SLC24A2: variants seen among roughly 807,000 people sequenced by gnomAD.
The protein encoded by SLC24A2 is sodium/potassium/calcium exchanger 2.
SLC24A2 carries 36 observed loss-of-function variants against 62.0 expected under a neutral mutation model. The ratio of observed to expected loss-of-function variants is 0.58; its 90% CI spans 0.44 to 0.77. The LOEUF (loss-of-function observed/expected upper bound fraction) is 0.77, where lower values mean the gene tolerates loss of function less well. SLC24A2 is among the 30% of genes least tolerant of loss of function. The pLI is 0.00. For synonymous variants in SLC24A2, 358 were observed against 294.0 expected (o/e 1.22, Z -2.23); for missense variants, 846 against 817.9 (o/e 1.03, Z -0.42).
At chr9:20,285,900 G>C in the SLC24A2 span, among the ~76,000 whole-genome samples, 1 of 152,166 alleles carries the variant, frequency 6.6e-6, no homozygotes, top group Non-Finnish European at 1.5e-5. Flanking sequence ...AAGCCAAGGA[G>C]AGAGGCTCAG....
At chr9:20,104,698 A>C in the SLC24A2 span, among the ~76,000 whole-genome samples, 4 of 152,234 alleles carry the variant, frequency 2.6e-5, no homozygotes, top group Non-Finnish European at 5.9e-5. Flanking sequence ...TCCTGAAGGA[A>C]GCACTAAACA....
Position 19,619,690 on chromosome 9 carries a change from A to G in SLC24A2, c.972T>C (p.Ala324=). ...ARDKDEPTLP[A]KPRLQRGGSS... ...TTCCACCTCGCTGGAGACGCGGCTT[A>G]GCCTGAGCAGAGAAACCAAAGAGAT... Residue 324 remains alanine (A), a splice_region_variant and synonymous_variant, in exon 4 of 11, where the codon GCT becomes GCC. Coordinates refer to ENST00000341998, the MANE Select transcript of SLC24A2 (RefSeq NM_020344.4). 6.2e-7 allele frequency: 1 copy of G among 1,612,482 alleles called. No homozygotes were observed. Among genetic ancestry groups the G allele is most frequent in the Non-Finnish European group, 8.5e-7 (1 of 1,178,546 alleles).
At chr9:19,805,892 G>A in the SLC24A2 span, among the ~76,000 whole-genome samples, 3 of 150,980 alleles carry the variant, frequency 2.0e-5, no homozygotes, top group African/African-American at 4.9e-5. Flanking sequence ...GGCAAGTGTG[G>A]GTCCCTGAGG....
chr9:20,168,116 T>C, the SLC24A2 span, among the ~76,000 whole-genome samples: 1 of 151,996 alleles, frequency 6.6e-6, no homozygotes, highest in Non-Finnish European at 1.5e-5. Flanking sequence ...TGTGTGCATA[T>C]ATCAATCTAC....
chr9:19,953,357 T>A, the SLC24A2 span, among the ~76,000 whole-genome samples: 2 of 151,984 alleles, frequency 1.3e-5, no homozygotes, highest in Non-Finnish European at 2.9e-5. Context: ...ACAACTATAG[T>A]TTTCAATGTG....
the SLC24A2 span, among the ~76,000 whole-genome samples, chr9:20,253,203 G>C: frequency 1.3e-5 from 2 of 152,174 alleles, no homozygotes; most frequent in African/African-American, 2.4e-5. Context: ...AGTAGAAAGA[G>C]CACTGACCTG....
At chr9:20,007,074 G>A in the SLC24A2 span, among the ~76,000 whole-genome samples, 4 of 152,124 alleles carry the variant, frequency 2.6e-5, no homozygotes, top group Non-Finnish European at 5.9e-5. Context: ...TTAATTAGCT[G>A]ACTGTATCAT....
chr9:19,928,841 T>C, the SLC24A2 span: 1 of 152,182 alleles, frequency 6.6e-6, no homozygotes, highest in African/African-American at 2.4e-5. Context: ...ATCTTCAGGA[T>C]AAAATAAAAT....
intron 2 of SLC24A2, among the ~76,000 whole-genome samples, chr9:19,637,000 T>G (rs1476908174): frequency 6.6e-6 from 1 of 152,338 alleles, no homozygotes; most frequent in Middle Eastern, 3.4e-3. Context: ...AAAAACTATT[T>G]GGAATATCTT....
At chr9:19,634,581 C>T (rs1184347017) in intron 2 of SLC24A2, among the ~76,000 whole-genome samples, 2 of 152,194 alleles carry the variant, frequency 1.3e-5, no homozygotes, top group Non-Finnish European at 2.9e-5. Context: ...AACCACTGCG[C>T]CCGGCCAAAA....
chr9:19,819,970 A>G, the SLC24A2 span, among the ~76,000 whole-genome samples: 1 of 145,722 alleles, frequency 6.9e-6, no homozygotes, highest in African/African-American at 2.6e-5. Context: ...CCCATCAATC[A>G]ATGAGTAGAT....
chr9:20,306,624 G>C, the SLC24A2 span, among the ~76,000 whole-genome samples: 6 of 152,220 alleles, frequency 3.9e-5, no homozygotes, highest in African/African-American at 1.4e-4. Context: ...GGGCCGTGTT[G>C]GGTGTCTTTG....
chr9:19,640,856 C>G (rs1045221981), intron 2 of SLC24A2, among the ~76,000 whole-genome samples: 10 of 152,122 alleles, frequency 6.6e-5, no homozygotes, highest in Non-Finnish European at 1.5e-4. Flanking sequence ...TTTGGGTACC[C>G]CCTTAAATTT....
intron 4 of SLC24A2, among the ~76,000 whole-genome samples, chr9:19,608,473 A>G (rs1328826197): frequency 6.6e-6 from 1 of 152,248 alleles, no homozygotes; most frequent in Non-Finnish European, 1.5e-5. Context: ...TTTACAGAAC[A>G]GACAGATGTG....
At chr9:19,550,514 T>A (rs141766031) in intron 7 of SLC24A2, among the ~76,000 whole-genome samples, 1 of 152,320 alleles carries the variant, frequency 6.6e-6, no homozygotes, top group Non-Finnish European at 1.5e-5. Flanking sequence ...CAGTTTCTCA[T>A]GTTCATCAAC....
At chr9:19,533,543 C>G (rs1458779296) in intron 8 of SLC24A2, among the ~76,000 whole-genome samples, 3 of 152,202 alleles carry the variant, frequency 2.0e-5, no homozygotes, top group African/African-American at 4.8e-5. Flanking sequence ...TTCATACTTG[C>G]TGCTCTCGGC....
At chr9:19,719,236 T>A (rs911730749) in intron 2 of SLC24A2, among the ~76,000 whole-genome samples, 6 of 152,190 alleles carry the variant, frequency 3.9e-5, no homozygotes, top group African/African-American at 1.4e-4. Flanking sequence ...GGTAGGAGCA[T>A]CTCATTATTC....
intron 4 of SLC24A2, among the ~76,000 whole-genome samples, chr9:19,606,234 T>C (rs544635243): frequency 6.6e-6 from 1 of 151,908 alleles, no homozygotes; most frequent in South Asian, 2.1e-4. Flanking sequence ...GGATAAAAGG[T>C]TTTTTCTCAG....
chr9:19,724,454 G>C (rs143444002), intron 2 of SLC24A2, among the ~76,000 whole-genome samples: 2 of 152,166 alleles, frequency 1.3e-5, no homozygotes, highest in Non-Finnish European at 2.9e-5. Context: ...GCACAATTTT[G>C]ATTTGTAAAA....
Sources: allele counts gnomAD v4.1 joint callset (sites outside exome capture counted in the v4.1 genomes callset), GRCh38; gene constraint gnomAD v4.1.1; transcripts MANE v1.5; gene names NCBI Gene and HGNC (gene_info 2026-07-23, HGNC 2026-07-21).